SUGCT: variants seen among roughly 807,000 people sequenced by gnomAD.
The protein encoded by SUGCT is succinyl-CoA:glutarate-CoA transferase, also known as succinyl-CoA:glutarate CoA-transferase.
SUGCT carries 41 observed loss-of-function variants against 55.0 expected under a neutral mutation model. That is an observed-to-expected ratio of 0.74 (90% confidence interval 0.58 to 0.97). SUGCT has a LOEUF of 0.97. SUGCT is among the 50% of genes least tolerant of loss of function. The pLI is 0.00. For synonymous variants in SUGCT, 187 were observed against 200.4 expected (o/e 0.93, Z 0.56); for missense variants, 568 against 547.8 (o/e 1.04, Z -0.37).
intron 10 of SUGCT, among the ~76,000 whole-genome samples, chr7:40,456,146 C>T (rs1407155850): frequency 6.6e-6 from 1 of 152,100 alleles, no homozygotes; most frequent in African/African-American, 2.4e-5. Flanking sequence ...GTGCCTCAGC[C>T]TCCTGAGTAG....
At chr7:40,602,936 G>A (rs1186977223) in intron 12 of SUGCT, among the ~76,000 whole-genome samples, 1 of 152,142 alleles carries the variant, frequency 6.6e-6, no homozygotes, top group Non-Finnish European at 1.5e-5. Context: ...ACAGTCTTGG[G>A]TGGCTGCTTT....
At chr7:40,921,329 C>A in the SUGCT span, among the ~76,000 whole-genome samples, 1 of 151,996 alleles carries the variant, frequency 6.6e-6, no homozygotes, top group Admixed American at 6.6e-5. Flanking sequence ...AAGCACAGGT[C>A]CCTGAACCTT....
intron 8 of SUGCT, among the ~76,000 whole-genome samples, chr7:40,306,699 C>A (rs370594174): frequency 1.2e-4 from 19 of 152,272 alleles, no homozygotes; most frequent in East Asian, 3.9e-4. Flanking sequence ...GACTTGCTAT[C>A]ACAGGAATAA....
At chr7:40,772,578 GCTATCTAT>G (rs70990645) in intron 13 of SUGCT, among the ~76,000 whole-genome samples, 4,406 of 103,974 alleles carry the variant, frequency 0.042, 149 homozygotes, top group East Asian at 0.087. Flanking sequence ...TTATCTATCT[GCTATCTAT>G]CTATCTATCT....
intron 12 of SUGCT, among the ~76,000 whole-genome samples, chr7:40,520,142 A>G (rs1356648103): frequency 2.0e-5 from 3 of 152,270 alleles, no homozygotes; most frequent in East Asian, 3.9e-4. Flanking sequence ...TTGACCATCA[A>G]TTCATACTTA....
chr7:40,972,047 A>G, the SUGCT span, among the ~76,000 whole-genome samples: 1 of 152,224 alleles, frequency 6.6e-6, no homozygotes, highest in Non-Finnish European at 1.5e-5. Context: ...GTATGGAACC[A>G]TGCAGAAATT....
chr7:41,030,465 T>C, the SUGCT span, among the ~76,000 whole-genome samples: 16 of 152,186 alleles, frequency 1.1e-4, no homozygotes, highest in Non-Finnish European at 1.6e-4. Flanking sequence ...AAAATACACA[T>C]AAAGAGGATG....
chr7:40,147,742 AG>A (rs1488222559), intron 1 of SUGCT, among the ~76,000 whole-genome samples: 6 of 152,182 alleles, frequency 3.9e-5, no homozygotes, highest in African/African-American at 1.4e-4. Context: ...GGCCGCCACA[AG>A]GGGGCGGGGC....
intron 13 of SUGCT, among the ~76,000 whole-genome samples, chr7:40,859,627 TTCTG>T (rs756115860): frequency 9.1e-4 from 138 of 152,344 alleles, no homozygotes; most frequent in Admixed American, 2.2e-3. Flanking sequence ...ACTTAGTGCT[TTCTG>T]TCTATGATCT....
the SUGCT span, among the ~76,000 whole-genome samples, chr7:40,873,077 T>C: frequency 1.3e-5 from 2 of 152,100 alleles, no homozygotes; most frequent in African/African-American, 2.4e-5. Flanking sequence ...CTAGAAGTCA[T>C]AGGGTCTTCT....
At chr7:40,948,076 A>G in the SUGCT span, among the ~76,000 whole-genome samples, 15 of 152,196 alleles carry the variant, frequency 9.9e-5, no homozygotes, top group Non-Finnish European at 1.8e-4. Flanking sequence ...AAAAGAAGTC[A>G]TGCCCTTTAG....
chr7:40,359,013 T>G (rs1798016950), intron 9 of SUGCT, among the ~76,000 whole-genome samples: 1 of 152,196 alleles, frequency 6.6e-6, no homozygotes, highest in African/African-American at 2.4e-5. Flanking sequence ...CAAACTCACT[T>G]AGATTGCATG....
At chr7:40,721,334 T>C (rs1786325147) in intron 12 of SUGCT, among the ~76,000 whole-genome samples, 1 of 152,070 alleles carries the variant, frequency 6.6e-6, no homozygotes, top group African/African-American at 2.4e-5. Flanking sequence ...CAAGTTGCAT[T>C]TTTTTTCATC....
chr7:40,358,729 CAAT>C (rs1194784909), intron 9 of SUGCT, among the ~76,000 whole-genome samples: 2,062 of 151,392 alleles, frequency 0.014, 38 homozygotes, highest in African/African-American at 0.046. Context: ...ACAACAACAA[CAAT>C]AACAACAACA....
intron 9 of SUGCT, among the ~76,000 whole-genome samples, chr7:40,386,376 G>C (rs1025077275): frequency 6.6e-6 from 1 of 152,016 alleles, no homozygotes; most frequent in African/African-American, 2.4e-5. Context: ...AGTTATAATG[G>C]GGCTCCCTCA....
chr7:40,950,353 T>A, the SUGCT span, among the ~76,000 whole-genome samples: 12 of 152,182 alleles, frequency 7.9e-5, no homozygotes, highest in African/African-American at 2.9e-4. Context: ...AAGGAGATTT[T>A]GGGCTGAGAC....
At chr7:40,678,265 G>C (rs1192439502) in intron 12 of SUGCT, among the ~76,000 whole-genome samples, 2 of 152,114 alleles carry the variant, frequency 1.3e-5, no homozygotes, top group Non-Finnish European at 2.9e-5. Context: ...AAAGATCTAA[G>C]GTGCTGCTCC....
At chr7:40,467,154 A>G (rs1479891257) in intron 11 of SUGCT, among the ~76,000 whole-genome samples, 2 of 144,302 alleles carry the variant, frequency 1.4e-5, no homozygotes, top group Admixed American at 7.3e-5. Flanking sequence ...GTGAGCCAAG[A>G]TCGTGCCACT....
chr7:40,858,395 T>C (rs544770546), intron 13 of SUGCT, among the ~76,000 whole-genome samples: 12 of 104,184 alleles, frequency 1.2e-4, no homozygotes, highest in Admixed American at 3.8e-4. Flanking sequence ...AAGAGCAAAA[T>C]TCCATCTCAA....
Sources: gnomAD v4.1 joint callset for allele counts (sites outside exome capture counted in the v4.1 genomes callset) on GRCh38, gnomAD v4.1.1 for gene constraint, MANE v1.5 for transcripts, NCBI Gene and HGNC (gene_info 2026-07-23, HGNC 2026-07-21) for gene names.